ATP9B: variants seen among roughly 807,000 people sequenced by gnomAD.
ATP9B encodes the protein probable phospholipid-transporting ATPase IIB.
ATP9B carries 110 observed loss-of-function variants against 146.1 expected under a neutral mutation model. The ratio of observed to expected loss-of-function variants is 0.75; its 90% CI spans 0.65 to 0.88. The LOEUF is 0.88. ATP9B is among the 40% of genes least tolerant of loss of function. The pLI is 0.00. For missense variants in ATP9B, 1,499 were observed against 1,496.4 expected, an observed-to-expected ratio of 1.00 and a Z score of -0.03; for synonymous variants, 604 against 569.7, an observed-to-expected ratio of 1.06 and a Z score of -0.86.
chr18:79,164,595 T>C (rs968680222), intron 7 of ATP9B, among the ~76,000 whole-genome samples: 12 of 151,910 alleles, frequency 7.9e-5, no homozygotes, highest in African/African-American at 2.9e-4. Context: ...GGCGGGCGCC[T>C]GTAGTCCCAG....
At chr18:79,226,648 G>A (rs908109665) in intron 11 of ATP9B, among the ~76,000 whole-genome samples, 6 of 152,164 alleles carry the variant, frequency 3.9e-5, no homozygotes, top group Admixed American at 1.3e-4. Flanking sequence ...CCCTTCCTTT[G>A]CCCCATGCTG....
At chr18:79,206,867 G>C in intron 9 of ATP9B, 70 bp from the exon 10 acceptor site, 2 of 1,423,906 alleles carry the variant, frequency 1.4e-6, no homozygotes, top group Non-Finnish European at 9.8e-7. Flanking sequence ...TTCTAATACT[G>C]AGGTTATATA....
intron 9 of ATP9B, among the ~76,000 whole-genome samples, chr18:79,195,825 G>A (rs1402919343): frequency 1.3e-5 from 2 of 152,134 alleles, no homozygotes; most frequent in African/African-American, 4.8e-5. Context: ...AATCAAAGAG[G>A]TGAAAAGGAC....
At position 79,277,150 on chromosome 18, in the gene ATP9B, C is replaced by T; in HGVS notation, c.1365C>T (p.Ile455=). The change falls in exon 13 of 30, where the codon ATC becomes ATT. Residue 455 remains isoleucine, a synonymous_variant. Transcript: ENST00000426216. ...GCACGGTCGTTCGGACCAGCACTAT[C>T]CCAGAGGAACTTGGGCGCCTGGTGT... is the stretch of plus-strand genomic sequence containing the variant. ...IPGTVVRTST[I]PEELGRLVYL... is the part of the protein sequence containing the mutation. 1 of 1,614,226 alleles carries T rather than the reference C, an allele frequency of 6.2e-7. No individual in the cohort carries two copies. Among genetic ancestry groups the T allele is most frequent in the South Asian group, 1.1e-5 (1 of 91,084 alleles).
In ATP9B at chr18:79,344,307, C is replaced by T. The variant is rs147932692; in HGVS notation, c.2425C>T (p.Arg809Ter). Residue 809 changes from arginine to a stop codon, truncating the protein, a stop_gained, in exon 21 of 30, where the codon CGA becomes TGA. Transcript: ENST00000426216. LOFTEE classifies it high-confidence loss of function. ...GEAHLELNAF[R>*]RKHDCALVIS... ...GGCACATTTGGAGCTGAATGCATTT[C>T]GAAGGAAGCATGATTGTGCACTAGT... is the stretch of plus-strand genomic sequence containing the variant. 1.9e-6 allele frequency: 3 copies of T among 1,614,186 alleles called. No homozygotes were observed. The highest frequency in any genetic ancestry group is 1.1e-5 in the South Asian group (1 of 91,088).
chr18:79,118,388 TTG>T (rs1491035243), intron 4 of ATP9B, among the ~76,000 whole-genome samples: 2,870 of 114,406 alleles, frequency 0.025, 211 homozygotes, highest in African/African-American at 0.034. Context: ...TTGAACGTTT[TTG>T]TTTTTTTTTT....
intron 1 of ATP9B, among the ~76,000 whole-genome samples, chr18:79,072,643 C>T (rs2072006725): frequency 6.6e-6 from 1 of 152,186 alleles, no homozygotes. Context: ...TCATCATGGC[C>T]CGTTCTCAGT....
At chr18:79,358,852 T>C (rs2096969295) in intron 25 of ATP9B, among the ~76,000 whole-genome samples, 1 of 144,882 alleles carries the variant, frequency 6.9e-6, no homozygotes, top group Non-Finnish European at 1.5e-5. Context: ...GGTGTCTGTG[T>C]GAGGGGTGCC....
At position 79,071,049 on chromosome 18, in the gene ATP9B, C is replaced by CTTTTTTCTTT. The variant is rs1555723402; in HGVS notation, c.119+1526_119+1527insCTTTTTTTTT. Reference sequence around the variant, plus strand: ...CTGATTCTCATTCTGATTCCTGTTTCTTTTTTTTTTTTTTTTTGCCACTTT... The same window carrying CTTTTTTCTTT: ...CTGATTCTCATTCTGATTCCTGTTTCTTTTTTCTTTTTTTTTTTTTTTTTTTTGCCACTTT... On this transcript the variant is annotated intron_variant, in intron 1 of 29. Coordinates refer to ENST00000426216, the MANE Select transcript of ATP9B (RefSeq NM_198531.5). Among the ~76,000 whole-genome samples, 419 of 112,342 alleles carry CTTTTTTCTTT rather than the reference C, an allele frequency of 3.7e-3. 6 individuals carry two copies. The highest frequency in any genetic ancestry group is 1.0e-2 in the African/African-American group (284 of 28,492). 73.7% of individuals were successfully genotyped at this position (112,342 alleles called of 152,430 possible).
At chr18:79,092,257 T>C (rs1008902974) in intron 1 of ATP9B, among the ~76,000 whole-genome samples, 2 of 152,214 alleles carry the variant, frequency 1.3e-5, no homozygotes, top group African/African-American at 4.8e-5. Context: ...ACCAAGATGA[T>C]AGTGACTACT....
intron 11 of ATP9B, among the ~76,000 whole-genome samples, chr18:79,219,904 G>A (rs1251914898): frequency 3.9e-5 from 6 of 152,168 alleles, no homozygotes; most frequent in Non-Finnish European, 8.8e-5. Context: ...TCAAGAAGAC[G>A]AGAGCCTAAC....
intron 11 of ATP9B, among the ~76,000 whole-genome samples, chr18:79,224,509 G>A (rs4072456): frequency 6.6e-6 from 1 of 152,198 alleles, no homozygotes; most frequent in African/African-American, 2.4e-5. Flanking sequence ...CCAGACTAGG[G>A]AGGGTCTGGG....
chr18:79,079,336 T>G (rs1253491678), intron 1 of ATP9B, among the ~76,000 whole-genome samples: 1 of 152,342 alleles, frequency 6.6e-6, no homozygotes, highest in Admixed American at 6.5e-5. Context: ...GTTTCCTGAC[T>G]TTTTAGTGAT....
intron 4 of ATP9B, among the ~76,000 whole-genome samples, chr18:79,121,253 G>T (rs986320243): frequency 6.6e-6 from 1 of 152,226 alleles, no homozygotes; most frequent in Non-Finnish European, 1.5e-5. Context: ...GGAGAAATAG[G>T]AGAAAGGCTG....
At chr18:79,349,669 A>G (rs1404084323) in intron 25 of ATP9B, among the ~76,000 whole-genome samples, 1 of 152,190 alleles carries the variant, frequency 6.6e-6, no homozygotes, top group South Asian at 2.1e-4. Context: ...TAAACATGTG[A>G]GGTCCTCTTA....
intron 4 of ATP9B, among the ~76,000 whole-genome samples, chr18:79,121,733 A>G (rs896944720): frequency 6.6e-6 from 1 of 152,248 alleles, no homozygotes; most frequent in African/African-American, 2.4e-5. Context: ...TTACTTATTC[A>G]GAGAAACAGA....
At chr18:79,128,542 A>T (rs972549038) in intron 5 of ATP9B, among the ~76,000 whole-genome samples, 4 of 152,178 alleles carry the variant, frequency 2.6e-5, no homozygotes, top group Admixed American at 6.5e-5. Context: ...TGGAGGAAGG[A>T]TGAAGAAGGT....
Position 79,116,901 on chromosome 18 carries a change from AC to A in ATP9B, c.558+3550del, listed in dbSNP as rs1393372708. On this transcript the variant is annotated intron_variant, in intron 4 of 29. Transcript: ENST00000426216. ...ACTAACCTGCACAATGTGCACATGT[AC>A]CCTAAAACTTAGAGTATAATAAAAA... is the stretch of plus-strand genomic sequence containing the variant. Among the ~76,000 whole-genome samples, 473 of 117,988 alleles carry A rather than the reference AC, an allele frequency of 4.0e-3. 3 individuals are homozygous for A. Among genetic ancestry groups the A allele is most frequent in the African/African-American group, 0.015 (452 of 29,244 alleles). 77.4% of individuals were successfully genotyped at this position (117,988 alleles called of 152,430 possible).
intron 11 of ATP9B, among the ~76,000 whole-genome samples, chr18:79,249,151 T>G (rs2095998546): frequency 6.6e-6 from 1 of 152,120 alleles, no homozygotes; most frequent in Non-Finnish European, 1.5e-5. Context: ...ATTGTTGGTA[T>G]AAACCATTAT....
Sources: allele counts gnomAD v4.1 joint callset (sites outside exome capture counted in the v4.1 genomes callset), GRCh38; gene constraint gnomAD v4.1.1; transcripts MANE v1.5; gene names NCBI Gene and HGNC (gene_info 2026-07-23, HGNC 2026-07-21).